The following PTPRS variants were observed in gnomAD, a reference collection of about 807,000 sequenced individuals.
PTPRS encodes receptor-type tyrosine-protein phosphatase S.
PTPRS carries 63 observed loss-of-function variants against 215.3 expected under a neutral mutation model. That is an observed-to-expected ratio of 0.29 (90% CI 0.24 to 0.36). The LOEUF (loss-of-function observed/expected upper bound fraction) is 0.36, where lower values mean the gene tolerates loss of function less well. Ranked by LOEUF, PTPRS falls within the 10% of genes least tolerant of loss-of-function variation. The pLI, the probability that PTPRS is intolerant of heterozygous loss-of-function variation, is 1.00. For missense variants in PTPRS, 2,258 were observed against 2,825.8 expected (o/e 0.80, Z 4.56); for synonymous variants, 1,404 against 1,191.4 (o/e 1.18, Z -3.68).
chr19:5,210,855 G>A lies in PTPRS; in HGVS notation c.5235-50C>T, dbSNP rs371822254. ...CAGGGCCGGCAGGGAGACCCGGCGT[G>A]GTACTCACCTGATGCTGCCCGGGAG... On this transcript the variant is annotated intron_variant, in intron 33 of 37. Coordinates refer to ENST00000262963, the MANE Select transcript of PTPRS (RefSeq NM_002850.4). This position sits in a 1 kb window ranked among gnomAD's most constrained non-coding sequence, Gnocchi z 4.5. The A allele has an allele frequency of 5.0e-6, 8 of 1,589,438 alleles. No homozygotes were observed. The highest frequency in any genetic ancestry group is 6.8e-6 in the Non-Finnish European group (8 of 1,171,014).
chr19:5,310,532 G>A (rs2049667231), intron 1 of PTPRS, among the ~76,000 whole-genome samples: 1 of 151,902 alleles, frequency 6.6e-6, no homozygotes, highest in Non-Finnish European at 1.5e-5. Flanking sequence ...TGGCCAGGCT[G>A]GTTTCAAACT....
intron 7 of PTPRS, 127 bp downstream of exon 7, chr19:5,260,677 TG>T: frequency 8.0e-7 from 1 of 1,244,850 alleles, no homozygotes; most frequent in Non-Finnish European, 1.2e-6. Context: ...TAACACTGGG[TG>T]GAACAAAGGT....
intron 30 of PTPRS, 42 bp downstream of exon 30, chr19:5,214,319 C>T (rs774011329): frequency 1.9e-6 from 3 of 1,613,296 alleles, no homozygotes; most frequent in Non-Finnish European, 2.5e-6. Flanking sequence ...CCTTCCAACA[C>T]ATTCCTCCAC....
In PTPRS at chr19:5,338,631, A is replaced by T. The variant is rs568980622; in HGVS notation, c.-95+2033T>A. 3.3e-5 allele frequency among the ~76,000 whole-genome samples: 5 copies of T among 152,112 alleles called. No individual in the cohort carries two copies. The East Asian group carries it at 9.7e-4, about 29-fold the overall frequency. On this transcript the variant is annotated intron_variant, in intron 1 of 37. Transcript: ENST00000262963. This position sits in a 1 kb window ranked among gnomAD's most constrained non-coding sequence, Gnocchi z 4.2. ...CCAGCTGCCTGCCTTCCACCGCCAA[A>T]ATATCAGCTGGCAAAGAAAGAAGAG...
At position 5,211,685 on chromosome 19, in the gene PTPRS, G is replaced by T; in HGVS notation, c.5139C>A (p.Asn1713Lys). The T allele has an allele frequency of 6.2e-7, 1 of 1,614,160 alleles. No individual in the cohort carries two copies. The highest frequency in any genetic ancestry group is 8.5e-7 in the Non-Finnish European group (1 of 1,180,030). ...CCCGTGTGCTCTCATAGGGCATGAT[G>T]TTCACCAGGCGGTTCTTGAACTTGT... ...PCNKFKNRLV[N>K]IMPYESTRVC... is the part of the protein sequence containing the mutation. Residue 1713 changes from asparagine (N) to lysine (K), a missense_variant, in exon 33 of 38, where the codon AAC becomes AAA. Transcript: ENST00000262963.
intron 15 of PTPRS, 70 bp downstream of exon 15, chr19:5,229,421 G>C: frequency 1.5e-6 from 2 of 1,362,998 alleles, no homozygotes; most frequent in South Asian, 3.7e-5. Flanking sequence ...GAGAAGCAGA[G>C]GTGGGGGGAG....
Position 5,210,509 on chromosome 19 carries a change from G to A in PTPRS, c.5447C>T (p.Pro1816Leu). 5 of 1,614,180 alleles carry A rather than the reference G, an allele frequency of 3.1e-6. No individual in the cohort carries two copies. In the Middle Eastern group the frequency reaches 8.2e-4, roughly 266 times the overall value. Residue 1816 changes from proline to leucine, a missense_variant, in exon 35 of 38, where the codon CCT becomes CTT. By Grantham distance (98) the Pro-to-Leu change is moderately conservative. Transcript: ENST00000262963. The surrounding 1 kb of genome is among the most constrained non-coding windows in gnomAD (Gnocchi z 4.5). ...VVDPMAEYNMPQYILREFKVT... is the reference protein window; with the variant it reads ...VVDPMAEYNMLQYILREFKVT... ...CTTGAACTCTCGCAGGATATACTGA[G>A]GCATGTTGTATTCTGCCATCGGATC...
Position 5,208,023 on chromosome 19 carries a change from G to A in PTPRS, c.5677C>T (p.Leu1893Phe). 3 of 1,613,888 alleles carry A rather than the reference G, an allele frequency of 1.9e-6. No homozygotes were observed. The highest frequency in any genetic ancestry group is 1.1e-5 in the South Asian group (1 of 91,092). ...GVGRTGVFITLSIVLERMRYE... is the reference protein window; with the variant it reads ...GVGRTGVFITFSIVLERMRYE... ...CGCATCCGCTCCAGCACGATGCTAA[G>A]CGTGATGAAGACGCCCGTCCTGCCC... The change falls in exon 37 of 38, where the codon CTT (leucine) becomes TTT (phenylalanine). Residue 1893 changes from leucine to phenylalanine, a missense_variant. Leu to Phe is a conservative substitution (Grantham distance 22). Transcript: ENST00000262963.
intron 9 of PTPRS, among the ~76,000 whole-genome samples, chr19:5,249,993 C>T (rs895249467): frequency 1.3e-5 from 2 of 152,148 alleles, no homozygotes; most frequent in African/African-American, 4.8e-5. Context: ...AAGGGGATAC[C>T]TGTTGAATAT....
intron 2 of PTPRS, among the ~76,000 whole-genome samples, chr19:5,275,040 G>C (rs989620477): frequency 1.7e-4 from 25 of 151,118 alleles, no homozygotes; most frequent in Non-Finnish European, 4.4e-5. Flanking sequence ...ACAGCATGGA[G>C]AGGCAGTGCC....
rs545658474 is a variant in PTPRS, at chr19:5,206,060, TAAAAAAA to T, written c.*707_*713del. On this transcript the variant is annotated 3_prime_UTR_variant, in exon 38 of 38. Transcript: ENST00000262963. ...CACACTTTCTGATGGTAGGAAAAAT[TAAAAAAA>T]AAAAAAAAAAAAAAAAAGCCAAGGT... Among the ~76,000 whole-genome samples the T allele has an allele frequency of 5.7e-5, 4 of 70,268 alleles. No individual in the cohort carries two copies. Among genetic ancestry groups the T allele is most frequent in the East Asian group, 4.4e-4 (1 of 2,290 alleles). 46.1% of individuals were successfully genotyped at this position (70,268 alleles called of 152,430 possible). A position where few individuals can be genotyped will look rare whatever the true frequency, so the allele number is the denominator to read the frequency against.
chr19:5,260,247 G>C (rs1296558858), intron 7 of PTPRS, among the ~76,000 whole-genome samples: 2 of 148,728 alleles, frequency 1.3e-5, no homozygotes, highest in Non-Finnish European at 3.0e-5. Context: ...CATGATCTTA[G>C]TGGCTCACTG....
intron 3 of PTPRS, 82 bp from the exon 4 acceptor site, chr19:5,273,665 G>A: frequency 1.1e-5 from 17 of 1,524,218 alleles, no homozygotes; most frequent in African/African-American, 1.4e-5. Context: ...AGGCTGGGCT[G>A]TAGGGGAATG....
chr19:5,286,208 C>T lies in PTPRS; in HGVS notation c.-68G>A, dbSNP rs758699591. 1.5e-5 allele frequency: 24 copies of T among 1,558,680 alleles called. No individual in the cohort carries two copies. In the African/African-American group the frequency reaches 1.6e-4, roughly 11 times the overall value. On this transcript the variant is annotated 5_prime_UTR_variant, in exon 2 of 38. Coordinates refer to ENST00000262963, the MANE Select transcript of PTPRS (RefSeq NM_002850.4). The stretch of plus-strand genomic sequence containing the variant: ...CCCCCGGTCCCTCACAGAGAGGCCT[C>T]GAGCCGAGCGTCAGATGGGGCAACG...
chr19:5,276,533 GT>G (rs4011135), intron 2 of PTPRS, among the ~76,000 whole-genome samples: 28,102 of 150,392 alleles, frequency 0.19, 2,954 homozygotes, highest in Non-Finnish European at 0.24. Context: ...TGGAGTACGT[GT>G]TTTTTTTTTG....
intron 1 of PTPRS, chr19:5,292,881 G>T (rs1247157269): frequency 1.3e-5 from 2 of 152,164 alleles, no homozygotes; most frequent in African/African-American, 4.8e-5. Flanking sequence ...GTCGGGCTGG[G>T]GGCCAGGCGG....
chr19:5,215,202 G>A, intron 28 of PTPRS, 87 bp downstream of exon 28: 1 of 1,551,806 alleles, frequency 6.4e-7, no homozygotes, highest in Non-Finnish European at 8.8e-7. Flanking sequence ...CCAGAATCAG[G>A]CCTCAGTGGC....
At chr19:5,274,870 G>A (rs2047225505) in intron 2 of PTPRS, among the ~76,000 whole-genome samples, 1 of 152,142 alleles carries the variant, frequency 6.6e-6, no homozygotes, top group Admixed American at 6.5e-5. Context: ...GGGTGACCAT[G>A]GGACATGAGG....
In PTPRS at chr19:5,215,299, C is replaced by T. The variant is rs542879445; in HGVS notation, c.4308G>A (p.Gln1436=). The T allele has an allele frequency of 1.9e-6, 3 of 1,614,066 alleles. No individual in the cohort carries two copies. The highest frequency in any genetic ancestry group is 1.3e-5 in the African/African-American group (1 of 75,062). ...IAYDHSRVIL[Q]PIEGIMGSDY... is the part of the protein sequence containing the mutation. ...GGATCTCCGAACTACCTTCAATGGG[C>T]TGGAGGATGACACGGGAGTGGTCAT... Residue 1436 remains glutamine, a synonymous_variant, in exon 28 of 38, where the codon CAG becomes CAA. Transcript: ENST00000262963.
Sources: gnomAD v4.1 joint callset for allele counts (sites outside exome capture counted in the v4.1 genomes callset) on GRCh38, gnomAD v4.1.1 for gene constraint, Gnocchi (gnomAD v3.1) non-coding constraint, MANE v1.5 for transcripts, NCBI Gene and HGNC (gene_info 2026-07-23, HGNC 2026-07-21) for gene names.